SLAMF8: variants seen among roughly 807,000 people sequenced by gnomAD.
SLAMF8 encodes the protein B lymphocyte activator macrophage expressed.
SLAMF8 carries 23 observed loss-of-function variants against 29.0 expected under a neutral mutation model. That is an observed-to-expected ratio of 0.79 (90% CI 0.57 to 1.13). SLAMF8 has a LOEUF of 1.13. Among genes scored for constraint, SLAMF8 ranks in the 50% most tolerant of loss-of-function variants. The pLI, the probability that SLAMF8 is intolerant of heterozygous loss-of-function variation, is 0.00. For synonymous variants in SLAMF8, 139 were observed against 145.6 expected (o/e 0.96, Z 0.32); for missense variants, 381 against 353.1 (o/e 1.08, Z -0.63).
intron 1 of SLAMF8, among the ~76,000 whole-genome samples, chr1:159,827,831 T>C (rs1312682993): frequency 1.3e-5 from 2 of 151,880 alleles, no homozygotes; most frequent in African/African-American, 4.8e-5. Context: ...ACAAAAATAA[T>C]TTGCCTTTTT....
rs1647634639 is a variant in SLAMF8, at chr1:159,833,277, C to G, written c.689C>G (p.Ser230Cys). The change falls in exon 4 of 5, where the codon TCC (serine) becomes TGC (cysteine). Residue 230 changes from serine to cysteine, a missense_variant. Ser to Cys is a moderately radical substitution (Grantham distance 112). Transcript: ENST00000289707. ...CHHEAAPGKASYKDVLLVVVP... is the reference protein window; with the variant it reads ...CHHEAAPGKACYKDVLLVVVP... The stretch of plus-strand genomic sequence containing the variant: ...CCATGTTCAGCACCAGGGAAGGCCT[C>G]CTACAAAGATGTGCTGCTGGTGGTG... 1.2e-6 allele frequency: 2 copies of G among 1,614,152 alleles called. No homozygotes were observed. Among genetic ancestry groups the G allele is most frequent in the East Asian group, 4.5e-5 (2 of 44,866 alleles).
In SLAMF8 at chr1:159,836,490, A is replaced by C. The variant is rs1174710493; in HGVS notation, c.*1230A>C. 1.0e-6 allele frequency: 1 copy of C among 985,362 alleles called. No homozygotes were observed. Among genetic ancestry groups the C allele is most frequent in the African/African-American group, 1.7e-5 (1 of 57,250 alleles). The allele number at this position is 985,362 out of a possible 1,614,324, so 61.0% of individuals were successfully genotyped here. A position where few individuals can be genotyped will look rare whatever the true frequency, so the allele number is the denominator to read the frequency against. Reference sequence around the variant, plus strand: ...GGGATTATTAGCTGATAAGGTTCACAGTTTCTCTCACCCAGGTGTAACTGG... The same window carrying C: ...GGGATTATTAGCTGATAAGGTTCACCGTTTCTCTCACCCAGGTGTAACTGG... On this transcript the variant is annotated 3_prime_UTR_variant, in exon 5 of 5. Transcript: ENST00000289707.
chr1:159,833,625 T>C (rs1201857976), intron 4 of SLAMF8, among the ~76,000 whole-genome samples: 1 of 152,210 alleles, frequency 6.6e-6, no homozygotes, highest in East Asian at 1.9e-4. Context: ...TCCCTCTGCC[T>C]GGAACACACT....
In SLAMF8 at chr1:159,836,226, C is replaced by T. The variant is rs977125914; in HGVS notation, c.*966C>T. 1 of 985,446 alleles carries T rather than the reference C, an allele frequency of 1.0e-6. No homozygotes were observed. The highest frequency in any genetic ancestry group is 1.2e-6 in the Non-Finnish European group (1 of 829,934). 61.0% of individuals were successfully genotyped at this position (985,446 alleles called of 1,614,324 possible). ...TGGAGAGAAAGGGTACTGAGGCACT[C>T]TAGAATCTGCCACATTCATTTTCAA... On this transcript the variant is annotated 3_prime_UTR_variant, in exon 5 of 5. Coordinates refer to ENST00000289707, the MANE Select transcript of SLAMF8 (RefSeq NM_020125.3).
intron 1 of SLAMF8, among the ~76,000 whole-genome samples, chr1:159,829,109 GT>G (rs1647278216): frequency 2.6e-5 from 4 of 152,016 alleles, no homozygotes; most frequent in Non-Finnish European, 5.9e-5. Context: ...TCCCATCCCG[GT>G]TGCTCCCTTC....
chr1:159,828,611 A>G (rs968262109), intron 1 of SLAMF8, among the ~76,000 whole-genome samples: 1 of 152,222 alleles, frequency 6.6e-6, no homozygotes. Flanking sequence ...AGTGGTGGGC[A>G]CTGGAAGCAA....
rs1390990829 is a variant in SLAMF8, at chr1:159,826,951, G to A, written c.40+13G>A. 2 of 1,614,080 alleles carry A rather than the reference G, an allele frequency of 1.2e-6. No individual in the cohort carries two copies. The highest frequency in any genetic ancestry group is 1.3e-5 in the African/African-American group (1 of 75,060). On this transcript the variant is annotated intron_variant, in intron 1 of 4. Transcript: ENST00000289707. ...CTTCTCTGGGAAGGTAAGTGGGGCA[G>A]GCAGATAGCCTGTCCTCGGAGAGCT...
At position 159,836,595 on chromosome 1, in the gene SLAMF8, T is replaced by C. The variant is rs532645566; in HGVS notation, c.*1335T>C. 4 of 985,462 alleles carry C rather than the reference T, an allele frequency of 4.1e-6. No homozygotes were observed. The African/African-American group carries it at 5.2e-5, about 13-fold the overall frequency. The allele number at this position is 985,462 out of a possible 1,614,324, so 61.0% of individuals were successfully genotyped here. A position where few individuals can be genotyped will look rare whatever the true frequency, so the allele number is the denominator to read the frequency against. On this transcript the variant is annotated 3_prime_UTR_variant, in exon 5 of 5. Coordinates refer to ENST00000289707, the MANE Select transcript of SLAMF8 (RefSeq NM_020125.3). ...AGAAACAGGGGTGGGTTTGAAGTAC[T>C]ATTTTCCCAGGGTGGCTTCAATCTC...
In SLAMF8 at chr1:159,833,059, A is replaced by G; in HGVS notation, c.551A>G (p.Gln184Arg). The G allele has an allele frequency of 1.2e-6, 2 of 1,614,214 alleles. No homozygotes were observed. Among genetic ancestry groups the G allele is most frequent in the African/African-American group, 2.7e-5 (2 of 75,044 alleles). The change falls in exon 3 of 5, where the codon CAG becomes CGG. Residue 184 changes from glutamine to arginine, a missense_variant. Gln to Arg is a conservative substitution (Grantham distance 43, BLOSUM62 1). Transcript: ENST00000289707. ...MEPHSLFTDG[Q>R]VLSISLGPGD... Reference sequence around the variant, plus strand: ...CCACACAGCCTCTTCACAGACGGACAGGTGCTGAGCATTTCCCTGGGACCA... The same window carrying G: ...CCACACAGCCTCTTCACAGACGGACGGGTGCTGAGCATTTCCCTGGGACCA...
At chr1:159,829,378 G>C (rs1647307161) in intron 1 of SLAMF8, among the ~76,000 whole-genome samples, 2 of 152,154 alleles carry the variant, frequency 1.3e-5, no homozygotes, top group Admixed American at 1.3e-4. Flanking sequence ...TCCTCACACA[G>C]AGAACTACTC....
intron 1 of SLAMF8, among the ~76,000 whole-genome samples, chr1:159,827,269 C>T (rs531866243): frequency 2.0e-5 from 3 of 152,176 alleles, no homozygotes; most frequent in South Asian, 4.1e-4. Flanking sequence ...GGTGAGGACC[C>T]GGCAGTGTTA....
At position 159,836,203 on chromosome 1, in the gene SLAMF8, G is replaced by C. The variant is rs1239116315; in HGVS notation, c.*943G>C. 2.0e-6 allele frequency: 2 copies of C among 985,334 alleles called. No individual in the cohort carries two copies. Among genetic ancestry groups the C allele is most frequent in the Admixed American group, 6.1e-5 (1 of 16,266 alleles). The allele number at this position is 985,334 out of a possible 1,614,324, so 61.0% of individuals were successfully genotyped here. The stretch of plus-strand genomic sequence containing the variant: ...AACGCTATGCAGAAGGAACATTATG[G>C]AGAGAAAGGGTACTGAGGCACTCTA... On this transcript the variant is annotated 3_prime_UTR_variant, in exon 5 of 5. Coordinates refer to ENST00000289707, the MANE Select transcript of SLAMF8 (RefSeq NM_020125.3).
chr1:159,832,750 C>A, intron 2 of SLAMF8, 126 bp from the exon 3 acceptor site: 1 of 1,052,516 alleles, frequency 9.5e-7, no homozygotes, highest in Non-Finnish European at 1.4e-6. Flanking sequence ...GAAAGCCAGA[C>A]AAGATTTTGG....
Position 159,829,920 on chromosome 1 carries a change from C to T in SLAMF8, c.95C>T (p.Ser32Leu), listed in dbSNP as rs767605564. ...CAAGTGCTGAGCAAAGTCGGGGGCT[C>T]GGTGCTGCTGGTGGCAGCGCGTCCC... ...GAQVLSKVGG[S>L]VLLVAARPPG... Residue 32 changes from serine (S) to leucine (L), a missense_variant, in exon 2 of 5, where the codon TCG becomes TTG. Coordinates refer to ENST00000289707, the MANE Select transcript of SLAMF8 (RefSeq NM_020125.3). 36 of 1,614,022 alleles carry T rather than the reference C, an allele frequency of 2.2e-5. No homozygotes were observed. Among genetic ancestry groups the T allele is most frequent in the Middle Eastern group, 1.6e-4 (1 of 6,084 alleles).
At position 159,837,185 on chromosome 1, in the gene SLAMF8, C is replaced by T. The variant is rs1322315541; in HGVS notation, c.*1925C>T. 2.0e-6 allele frequency: 2 copies of T among 985,452 alleles called. No homozygotes were observed. Among genetic ancestry groups the T allele is most frequent in the Non-Finnish European group, 1.2e-6 (1 of 829,974 alleles). 61.0% of individuals were successfully genotyped at this position (985,452 alleles called of 1,614,324 possible). On this transcript the variant is annotated 3_prime_UTR_variant, in exon 5 of 5. Transcript: ENST00000289707. ...ACCTCATTTCGACAGTGGTTTGTAG[C>T]GTGGTGCACCAGGGCCTTGTTGAAC...
chr1:159,833,221 A>G (rs1305280187), intron 3 of SLAMF8, 40 bp downstream of exon 3: 4 of 1,613,988 alleles, frequency 2.5e-6, no homozygotes, highest in Non-Finnish European at 3.4e-6. Flanking sequence ...AGGGCTTATG[A>G]AGCATCAAGT....
intron 2 of SLAMF8, 86 bp downstream of exon 2, chr1:159,830,278 C>G: frequency 7.2e-7 from 1 of 1,391,966 alleles, no homozygotes; most frequent in Non-Finnish European, 9.6e-7. Flanking sequence ...CCAGGGAGAG[C>G]TGGGTTCCAG....
rs1211473189 is a variant in SLAMF8, at chr1:159,835,387, C to T, written c.*127C>T. The stretch of plus-strand genomic sequence containing the variant: ...ATCTCCCATGGGAATCCTGTCCTGC[C>T]TCGAAGGAGCAGCCTGGGCAGCCAT... On this transcript the variant is annotated 3_prime_UTR_variant, in exon 5 of 5. Coordinates refer to ENST00000289707, the MANE Select transcript of SLAMF8 (RefSeq NM_020125.3). The T allele has an allele frequency of 7.7e-6, 11 of 1,429,156 alleles. No individual in the cohort carries two copies. Among genetic ancestry groups the T allele is most frequent in the African/African-American group, 1.5e-5 (1 of 68,792 alleles). The allele number at this position is 1,429,156 out of a possible 1,614,324, so 88.5% of individuals were successfully genotyped here. A position where few individuals can be genotyped will look rare whatever the true frequency, so the allele number is the denominator to read the frequency against.
At chr1:159,827,784 C>T (rs1015341119) in intron 1 of SLAMF8, among the ~76,000 whole-genome samples, 1 of 151,980 alleles carries the variant, frequency 6.6e-6, no homozygotes, top group Non-Finnish European at 1.5e-5. Flanking sequence ...GGAAATCACA[C>T]CTTAACCTCA....
Sources: allele counts gnomAD v4.1 joint callset (sites outside exome capture counted in the v4.1 genomes callset), GRCh38; gene constraint gnomAD v4.1.1; transcripts MANE v1.5; gene names NCBI Gene and HGNC (gene_info 2026-07-23, HGNC 2026-07-21).